EPHA3: variants seen among roughly 807,000 people sequenced by gnomAD.
The protein encoded by EPHA3 is ephrin type-A receptor 3.
In EPHA3, 42 loss-of-function variants were observed where a neutral mutation model predicts 107.1. The observed-to-expected ratio is 0.39, with a 90% confidence interval of 0.31 to 0.51. The LOEUF is 0.51. EPHA3 is among the 20% of genes least tolerant of loss of function. The probability of loss-of-function intolerance (pLI) is 0.78; values close to 1 mark genes in which losing one functional copy is unlikely to be tolerated. For missense variants in EPHA3, 1,183 were observed against 1,211.2 expected, an observed-to-expected ratio of 0.98 and a Z score of 0.35; for synonymous variants, 461 against 424.8, an observed-to-expected ratio of 1.09 and a Z score of -1.05.
intron 1 of EPHA3, among the ~76,000 whole-genome samples, chr3:89,122,705 T>C (rs1027118201): frequency 2.2e-4 from 34 of 152,286 alleles, no homozygotes; most frequent in Admixed American, 2.6e-4. Context: ...TAAAAATCTT[T>C]ATGTGTTAAT....
chr3:89,220,254 T>C (rs534553875), intron 3 of EPHA3, among the ~76,000 whole-genome samples: 36 of 152,318 alleles, frequency 2.4e-4, no homozygotes, highest in African/African-American at 8.2e-4. Context: ...AGAGCTCGAA[T>C]TGGTACTTGA....
At chr3:89,358,309 A>G (rs1708010765) in intron 5 of EPHA3, among the ~76,000 whole-genome samples, 1 of 151,284 alleles carries the variant, frequency 6.6e-6, no homozygotes, top group Admixed American at 6.6e-5. Flanking sequence ...GGTAGTTAAT[A>G]TCTTTCATAA....
At chr3:89,339,240 G>T (rs1042844252) in intron 3 of EPHA3, among the ~76,000 whole-genome samples, 3 of 151,780 alleles carry the variant, frequency 2.0e-5, no homozygotes, top group Non-Finnish European at 4.4e-5. Context: ...GCCTGGTGGC[G>T]CACGCCTGTA....
At chr3:89,413,412 G>A in intron 10 of EPHA3, 146 bp downstream of exon 10, 2 of 1,029,732 alleles carry the variant, frequency 1.9e-6, no homozygotes, top group Non-Finnish European at 1.5e-6. Flanking sequence ...AATATTTAAT[G>A]GAATGTAATG....
intron 3 of EPHA3, among the ~76,000 whole-genome samples, chr3:89,251,629 A>G (rs62278166): frequency 0.27 from 40,407 of 151,932 alleles, 5,651 homozygotes; most frequent in African/African-American, 0.32. Context: ...TGCTCTTTCA[A>G]CTATCATATG....
intron 11 of EPHA3, among the ~76,000 whole-genome samples, chr3:89,426,975 C>T (rs1349429880): frequency 3.3e-5 from 5 of 151,708 alleles, no homozygotes; most frequent in African/African-American, 1.2e-4. Flanking sequence ...TCTAAGTTTC[C>T]AAGGAAATGG....
chr3:89,108,841 C>G (rs781654720), intron 1 of EPHA3, among the ~76,000 whole-genome samples: 1 of 152,172 alleles, frequency 6.6e-6, no homozygotes, highest in Non-Finnish European at 1.5e-5. Context: ...GCCACACTTA[C>G]AACATTAATT....
At chr3:89,426,562 A>C (rs1172087779) in intron 11 of EPHA3, among the ~76,000 whole-genome samples, 1 of 151,794 alleles carries the variant, frequency 6.6e-6, no homozygotes, top group African/African-American at 2.4e-5. Context: ...TGGGGCTTTG[A>C]CTTAATTGAC....
At chr3:89,383,696 T>C (rs1708556620) in intron 5 of EPHA3, among the ~76,000 whole-genome samples, 1 of 139,848 alleles carries the variant, frequency 7.2e-6, no homozygotes, top group Non-Finnish European at 1.5e-5. Context: ...TAGCCCAGGC[T>C]GGAGTGCAGT....
At chr3:89,196,808 T>G (rs1438426759) in intron 2 of EPHA3, among the ~76,000 whole-genome samples, 1 of 152,182 alleles carries the variant, frequency 6.6e-6, no homozygotes, top group Non-Finnish European at 1.5e-5. Flanking sequence ...CAACTTTCAA[T>G]AGCATAAATC....
At chr3:89,137,257 A>G (rs1704333908) in intron 2 of EPHA3, among the ~76,000 whole-genome samples, 1 of 151,954 alleles carries the variant, frequency 6.6e-6, no homozygotes, top group Non-Finnish European at 1.5e-5. Context: ...TATAAGAACA[A>G]GATACATACC....
intron 5 of EPHA3, among the ~76,000 whole-genome samples, chr3:89,390,415 AT>A (rs1211529037): frequency 2.6e-5 from 4 of 152,078 alleles, no homozygotes; most frequent in Non-Finnish European, 5.9e-5. Flanking sequence ...CCTGGTCATC[AT>A]GATGAAACCC....
At position 89,408,078 on chromosome 3, in the gene EPHA3, A is replaced by G. The variant is rs370678502; in HGVS notation, c.1709A>G (p.Tyr570Cys). ...IYVLIGRFCG[Y>C]KSKHGADEKR... is the part of the protein sequence containing the mutation. ...TGATTTACCTCCAGGTTCTGTGGCT[A>G]TAAGTCAAAACATGGGGCAGATGAA... Residue 570 changes from tyrosine to cysteine, a missense_variant, in exon 9 of 17, where the codon TAT becomes TGT. Transcript: ENST00000336596. 1.6e-5 allele frequency: 26 copies of G among 1,612,830 alleles called. No individual in the cohort carries two copies. The highest frequency in any genetic ancestry group is 2.0e-5 in the Non-Finnish European group (24 of 1,179,118).
At position 89,347,511 on chromosome 3, in the gene EPHA3, T is replaced by G. The variant is rs1368151784; in HGVS notation, c.1306+5421T>G. Among the ~76,000 whole-genome samples the G allele has an allele frequency of 9.4e-5, 14 of 148,890 alleles. No homozygotes were observed. In the East Asian group the frequency reaches 2.4e-3, roughly 25 times the overall value. On this transcript the variant is annotated intron_variant, in intron 5 of 16. Transcript: ENST00000336596. ...GTTGCTTATCAGCTTAAGGAGATTT[T>G]GGGCTGAGACAATGGGGTTTTCTAG... is the stretch of plus-strand genomic sequence containing the variant.
rs185103233 is a variant in EPHA3, at chr3:89,417,426, T to C, written c.1889-1779T>C. ...TGCTCTATTATACCATGTTGATGTA[T>C]GATAATGGCAGAACTTTCTGGTTTT... On this transcript the variant is annotated intron_variant, in intron 10 of 16. Coordinates refer to ENST00000336596, the MANE Select transcript of EPHA3 (RefSeq NM_005233.6). 2.0e-3 allele frequency among the ~76,000 whole-genome samples: 306 copies of C among 151,610 alleles called. 1 individual carries two copies. Among genetic ancestry groups the C allele is most frequent in the Middle Eastern group, 3.4e-3 (1 of 294 alleles).
chr3:89,375,283 G>A (rs1402919148), intron 5 of EPHA3, among the ~76,000 whole-genome samples: 1 of 151,688 alleles, frequency 6.6e-6, no homozygotes, highest in Non-Finnish European at 1.5e-5. Flanking sequence ...TATTTACAAT[G>A]ATGCAAGGTC....
rs1257409280 is a variant in EPHA3, at chr3:89,480,748, A to G, written c.*1246A>G. ...CCTCTGTATCACTGGTGTTTAGGTG[A>G]ATTAATTAAACATTGTGATCATTAG... On this transcript the variant is annotated 3_prime_UTR_variant, in exon 17 of 17. Transcript: ENST00000336596. 2 of 232,684 alleles carry G rather than the reference A, an allele frequency of 8.6e-6. No homozygotes were observed. The highest frequency in any genetic ancestry group is 1.7e-5 in the Non-Finnish European group (2 of 117,522). The allele number at this position is 232,684 out of a possible 1,614,324, so 14.4% of individuals were successfully genotyped here.
chr3:89,441,584 A>G (rs527755373), intron 13 of EPHA3, among the ~76,000 whole-genome samples: 1 of 152,208 alleles, frequency 6.6e-6, no homozygotes, highest in South Asian at 2.1e-4. Flanking sequence ...ATCCCTCTAA[A>G]GCATCTACAT....
At chr3:89,128,905 G>A (rs1289237330) in intron 2 of EPHA3, among the ~76,000 whole-genome samples, 3 of 152,076 alleles carry the variant, frequency 2.0e-5, no homozygotes, top group Non-Finnish European at 2.9e-5. Context: ...TAGATAATGT[G>A]ATGGGATAGA....
Sources: gnomAD v4.1 joint callset for allele counts (sites outside exome capture counted in the v4.1 genomes callset) on GRCh38, gnomAD v4.1.1 for gene constraint, MANE v1.5 for transcripts, NCBI Gene and HGNC (gene_info 2026-07-23, HGNC 2026-07-21) for gene names.